The following SLIT3 variants were observed in gnomAD, a reference collection of about 807,000 sequenced individuals.
SLIT3 encodes slit homolog 3 protein.
In SLIT3, 68 loss-of-function variants were observed where a neutral mutation model predicts 184.0. That is an observed-to-expected ratio of 0.37 (90% CI 0.30 to 0.45). The LOEUF (loss-of-function observed/expected upper bound fraction) is 0.45, where lower values mean the gene tolerates loss of function less well. SLIT3 is among the 20% of genes least tolerant of loss of function. SLIT3 has a pLI of 1.00. For missense variants in SLIT3, 1,707 were observed against 2,026.0 expected (o/e 0.84, Z 3.02); for synonymous variants, 831 against 828.6 (o/e 1.00, Z -0.05).
intron 4 of SLIT3, among the ~76,000 whole-genome samples, chr5:169,145,694 T>C (rs1025357151): frequency 4.6e-5 from 7 of 152,202 alleles, no homozygotes; most frequent in African/African-American, 1.7e-4. Flanking sequence ...TTCTGGGCTC[T>C]GGAATAATGC....
At chr5:169,049,339 G>A (rs909927772) in intron 4 of SLIT3, among the ~76,000 whole-genome samples, 11 of 152,096 alleles carry the variant, frequency 7.2e-5, no homozygotes, top group African/African-American at 1.9e-4. Flanking sequence ...AAGAGGTCTC[G>A]GGGCTTTGAC....
intron 6 of SLIT3, among the ~76,000 whole-genome samples, chr5:168,843,541 C>A (rs1383734541): frequency 2.0e-5 from 3 of 152,130 alleles, no homozygotes; most frequent in Non-Finnish European, 4.4e-5. Context: ...AAGGGGAAGT[C>A]ACTCCCAAGA....
chr5:168,783,595 A>G (rs1286236146), intron 12 of SLIT3, among the ~76,000 whole-genome samples: 1 of 152,206 alleles, frequency 6.6e-6, no homozygotes, highest in Non-Finnish European at 1.5e-5. Flanking sequence ...AAAAAATGCA[A>G]TCCTCTCACA....
At position 168,789,640 on chromosome 5, in the gene SLIT3, G is replaced by A. The variant is rs563689847; in HGVS notation, c.1008-9C>T. 10 of 1,610,994 alleles carry A rather than the reference G, an allele frequency of 6.2e-6. No homozygotes were observed. Among genetic ancestry groups the A allele is most frequent in the South Asian group, 3.3e-5 (3 of 90,702 alleles). ...GATTCTTGCTGATGTCTCTGAAAAC[G>A]TTAACGGTAAAGTCTGAGAACATGG... On this transcript the variant is annotated splice_polypyrimidine_tract_variant and intron_variant, in intron 10 of 35. Transcript: ENST00000519560.
At chr5:168,716,134 A>C (rs1221607576) in intron 23 of SLIT3, among the ~76,000 whole-genome samples, 5 of 152,074 alleles carry the variant, frequency 3.3e-5, no homozygotes, top group Non-Finnish European at 7.4e-5. Context: ...TGCCCAGCTA[A>C]TTTTTGTATT....
chr5:168,874,490 C>G (rs958583576), intron 5 of SLIT3, among the ~76,000 whole-genome samples: 1 of 152,222 alleles, frequency 6.6e-6, no homozygotes, highest in African/African-American at 2.4e-5. Context: ...CAGACTCAAC[C>G]TCTCCTTTTA....
chr5:169,262,341 C>T (rs138203997), intron 1 of SLIT3, among the ~76,000 whole-genome samples: 421 of 152,228 alleles, frequency 2.8e-3, no homozygotes, highest in African/African-American at 9.7e-3. Flanking sequence ...GCACTGCCCT[C>T]CCTAGGGTGT....
rs374681345 is a variant in SLIT3, at chr5:168,851,212, A to C, written c.486-6557T>G. Among the ~76,000 whole-genome samples, 14 of 150,916 alleles carry C rather than the reference A, an allele frequency of 9.3e-5. 2 individuals are homozygous for C. Among genetic ancestry groups the C allele is most frequent in the African/African-American group, 3.4e-4 (14 of 41,156 alleles). On this transcript the variant is annotated intron_variant, in intron 5 of 35. Transcript: ENST00000519560. ...GTGGCGGGCGCCTGTAGTCCCAGCT[A>C]CTCGGGAGGCTGAGGCAGGAGAATG...
At chr5:168,913,787 G>A (rs1225991836) in intron 4 of SLIT3, among the ~76,000 whole-genome samples, 2 of 150,520 alleles carry the variant, frequency 1.3e-5, no homozygotes, top group South Asian at 2.1e-4. Context: ...AAAAATAGAC[G>A]TAAAATGAAA....
At chr5:168,926,768 T>C (rs1176054511) in intron 4 of SLIT3, among the ~76,000 whole-genome samples, 1 of 152,002 alleles carries the variant, frequency 6.6e-6, no homozygotes, top group East Asian at 1.9e-4. Context: ...GGTCAACAAG[T>C]GTATGAAAAG....
chr5:168,710,598 T>C (rs1399802802), intron 25 of SLIT3, among the ~76,000 whole-genome samples: 1 of 145,290 alleles, frequency 6.9e-6, no homozygotes, highest in Non-Finnish European at 1.5e-5. Flanking sequence ...ACCTTGTCTC[T>C]ACAAAAGATG....
chr5:168,927,874 A>G (rs1014136358), intron 4 of SLIT3, among the ~76,000 whole-genome samples: 3 of 152,224 alleles, frequency 2.0e-5, no homozygotes, highest in Non-Finnish European at 4.4e-5. Flanking sequence ...TGGATAACTG[A>G]GACATGTTTA....
chr5:168,875,524 C>T (rs1759700631), intron 5 of SLIT3, among the ~76,000 whole-genome samples: 1 of 151,980 alleles, frequency 6.6e-6, no homozygotes, highest in Admixed American at 6.6e-5. Flanking sequence ...ATCCCAGTTA[C>T]TTGGGAGGCT....
At chr5:169,076,102 G>C (rs1051176190) in intron 4 of SLIT3, among the ~76,000 whole-genome samples, 1 of 152,212 alleles carries the variant, frequency 6.6e-6, no homozygotes, top group Admixed American at 6.5e-5. Flanking sequence ...AGGACCCTCA[G>C]GGGGGTTTCA....
chr5:169,118,370 C>G (rs1180752597), intron 4 of SLIT3, among the ~76,000 whole-genome samples: 1 of 152,204 alleles, frequency 6.6e-6, no homozygotes, highest in Admixed American at 6.5e-5. Context: ...GGTTGGTCAT[C>G]TTCTTGAACT....
At chr5:168,675,275 A>G (rs1761371796) in intron 32 of SLIT3, among the ~76,000 whole-genome samples, 1 of 152,180 alleles carries the variant, frequency 6.6e-6, no homozygotes, top group Non-Finnish European at 1.5e-5. Context: ...CTCCAACAAG[A>G]GGATCCCAGC....
chr5:169,043,237 C>T lies in SLIT3; in HGVS notation c.413+150242G>A, dbSNP rs1349302403. 3.3e-5 allele frequency among the ~76,000 whole-genome samples: 5 copies of T among 152,328 alleles called. No individual in the cohort carries two copies. In the South Asian group the frequency reaches 8.3e-4, roughly 25 times the overall value. ...CAAAGCCAAAGTCAGTTTTGCTTTG[C>T]ACTTCATTTAGGTCTTGTTAGTAAT... On this transcript the variant is annotated intron_variant, in intron 4 of 35. Coordinates refer to ENST00000519560, the MANE Select transcript of SLIT3 (RefSeq NM_003062.4).
intron 4 of SLIT3, among the ~76,000 whole-genome samples, chr5:168,998,239 C>T (rs1412496549): frequency 2.6e-5 from 4 of 152,170 alleles, no homozygotes; most frequent in Non-Finnish European, 4.4e-5. Context: ...TCATCCCTTC[C>T]TTGTTTCTTT....
intron 12 of SLIT3, among the ~76,000 whole-genome samples, chr5:168,776,379 GA>G (rs201821426): frequency 2.6e-5 from 4 of 152,078 alleles, no homozygotes; most frequent in East Asian, 1.9e-4. Context: ...CCTGGCAGTG[GA>G]AAAAAAATGC....
Sources: gnomAD v4.1 joint callset for allele counts (sites outside exome capture counted in the v4.1 genomes callset) on GRCh38, gnomAD v4.1.1 for gene constraint, MANE v1.5 for transcripts, NCBI Gene and HGNC (gene_info 2026-07-23, HGNC 2026-07-21) for gene names.